The following ST7 variants were observed in gnomAD, a reference collection of about 807,000 sequenced individuals.
The protein encoded by ST7 is suppressor of tumorigenicity 7 protein.
ST7 carries 28 observed loss-of-function variants against 78.7 expected under a neutral mutation model. The observed-to-expected ratio is 0.36, with a 90% CI of 0.26 to 0.49. The LOEUF (loss-of-function observed/expected upper bound fraction) is 0.49. ST7 is among the 20% of genes least tolerant of loss of function. The pLI is 0.99. For synonymous variants in ST7, 247 were observed against 249.6 expected (o/e 0.99, Z 0.10); for missense variants, 418 against 696.0 (o/e 0.60, Z 4.49).
chr7:117,030,501 A>T (rs1563024170), intron 1 of ST7, among the ~76,000 whole-genome samples: 1 of 152,226 alleles, frequency 6.6e-6, no homozygotes, highest in Non-Finnish European at 1.5e-5. Flanking sequence ...CAGGCAAAAA[A>T]CAACCCCATT....
intron 1 of ST7, among the ~76,000 whole-genome samples, chr7:117,032,690 A>G (rs1413184921): frequency 3.3e-5 from 5 of 152,212 alleles, no homozygotes; most frequent in Non-Finnish European, 7.4e-5. Flanking sequence ...AATTGACCTG[A>G]AACAGCATGT....
intron 9 of ST7, among the ~76,000 whole-genome samples, chr7:117,166,542 G>A (rs920273929): frequency 2.1e-4 from 31 of 151,130 alleles, no homozygotes; most frequent in African/African-American, 6.6e-4. Context: ...GATAAATCTC[G>A]TCATGTCCGT....
At chr7:117,206,329 T>TA (rs922586137) in intron 12 of ST7, among the ~76,000 whole-genome samples, 13 of 152,060 alleles carry the variant, frequency 8.5e-5, no homozygotes, top group Admixed American at 3.9e-4. Context: ...TAATTCAACT[T>TA]AAAAAAATAT....
intron 10 of ST7, among the ~76,000 whole-genome samples, chr7:117,187,152 A>G (rs1189214472): frequency 6.6e-6 from 1 of 152,244 alleles, no homozygotes; most frequent in Non-Finnish European, 1.5e-5. Context: ...ATGTTTTTAC[A>G]GATAAAAGAA....
chr7:117,079,631 C>A (rs547435645), intron 1 of ST7, among the ~76,000 whole-genome samples: 109 of 152,074 alleles, frequency 7.2e-4, no homozygotes, highest in African/African-American at 2.5e-3. Context: ...TTGAAAATTC[C>A]CCTAAATTCC....
chr7:117,036,288 A>G (rs1796892902), intron 1 of ST7, among the ~76,000 whole-genome samples: 2 of 152,180 alleles, frequency 1.3e-5, no homozygotes, highest in Non-Finnish European at 2.9e-5. Flanking sequence ...GCAGGCAATC[A>G]GGTCACTGCT....
intron 3 of ST7, among the ~76,000 whole-genome samples, chr7:117,123,259 C>T (rs867965073): frequency 6.6e-6 from 1 of 152,088 alleles, no homozygotes. Flanking sequence ...GTAGCTCTTT[C>T]CTTAAGGAAT....
At chr7:117,068,706 G>A in intron 1 of ST7, among the ~76,000 whole-genome samples, 1 of 152,168 alleles carries the variant, frequency 6.6e-6, no homozygotes, top group East Asian at 1.9e-4. Flanking sequence ...CATTGTATAG[G>A]CTTTTATCAC....
rs571045889 is a variant in ST7 at position 117,098,621 on chromosome 7, A to G, written c.152-1141A>G. On this transcript the variant is annotated intron_variant, in intron 1 of 15. Coordinates refer to ENST00000323984, the MANE Select transcript of ST7 (RefSeq NM_001369598.1). ...GTCTCATTCATAAACAGAGAAAAAT[A>G]TTTGTTGAATGAGTGAACGTGGGAT... 10 of 314,966 alleles carry G rather than the reference A, an allele frequency of 3.2e-5. No individual in the cohort carries two copies. In the East Asian group the frequency reaches 1.0e-3, roughly 32 times the overall value. 19.5% of individuals were successfully genotyped at this position (314,966 alleles called of 1,614,324 possible).
At chr7:117,072,735 C>T (rs985413286) in intron 1 of ST7, 5 of 152,152 alleles carry the variant, frequency 3.3e-5, no homozygotes, top group East Asian at 1.9e-4. Flanking sequence ...ACCTATTGAG[C>T]GAGTTTGATT....
intron 1 of ST7, among the ~76,000 whole-genome samples, chr7:117,074,512 C>G (rs1347815624): frequency 6.6e-6 from 1 of 151,736 alleles, no homozygotes; most frequent in Admixed American, 6.6e-5. Flanking sequence ...GGCGACCCCC[C>G]TCACCCCACA....
intron 1 of ST7, among the ~76,000 whole-genome samples, chr7:117,056,126 G>C (rs191540207): frequency 6.6e-6 from 1 of 152,238 alleles, no homozygotes; most frequent in East Asian, 1.9e-4. Context: ...GCCTTCTCAA[G>C]CCCACTGACT....
intron 1 of ST7, among the ~76,000 whole-genome samples, chr7:117,091,227 A>G (rs1170342364): frequency 1.3e-5 from 2 of 152,222 alleles, no homozygotes; most frequent in Non-Finnish European, 2.9e-5. Context: ...TAAAACCTCA[A>G]GACCTTATCA....
intron 12 of ST7, among the ~76,000 whole-genome samples, chr7:117,209,492 G>T (rs1270944665): frequency 6.6e-6 from 1 of 152,148 alleles, no homozygotes; most frequent in African/African-American, 2.4e-5. Flanking sequence ...AAATTATTGT[G>T]TCTTCTACAT....
chr7:117,126,361 T>G (rs932640264), intron 3 of ST7, among the ~76,000 whole-genome samples: 12 of 151,930 alleles, frequency 7.9e-5, no homozygotes, highest in Admixed American at 3.9e-4. Context: ...AGAGCCTTTT[T>G]TTTGTTTGTT....
At chr7:117,134,059 A>C in intron 6 of ST7, 65 bp from the exon 7 acceptor site, 1 of 1,595,170 alleles carries the variant, frequency 6.3e-7, no homozygotes, top group South Asian at 1.1e-5. Flanking sequence ...GAAATGACAT[A>C]GTGACTCTCT....
intron 9 of ST7, among the ~76,000 whole-genome samples, chr7:117,157,352 G>C (rs949991203): frequency 6.6e-6 from 1 of 152,178 alleles, no homozygotes; most frequent in Non-Finnish European, 1.5e-5. Context: ...GCATGTGGAC[G>C]TGTTGGGGAA....
chr7:117,131,287 G>C (rs548861989), intron 5 of ST7, among the ~76,000 whole-genome samples: 1 of 151,918 alleles, frequency 6.6e-6, no homozygotes, highest in African/African-American at 2.4e-5. Flanking sequence ...GGTACTCTTT[G>C]CTATGGTAGA....
chr7:116,957,060 C>T (rs1184977636), intron 1 of ST7: 11 of 172,674 alleles, frequency 6.4e-5, no homozygotes, highest in Non-Finnish European at 1.4e-4. Context: ...CTTTGATGAA[C>T]AACCATACCG....
Sources: gnomAD v4.1 joint callset for allele counts (sites outside exome capture counted in the v4.1 genomes callset) on GRCh38, gnomAD v4.1.1 for gene constraint, MANE v1.5 for transcripts, NCBI Gene and HGNC (gene_info 2026-07-23, HGNC 2026-07-21) for gene names.